Variants in C12orf42 observed in about 807,000 individuals in gnomAD.
C12orf42 encodes chromosome 12 open reading frame 42, also known as uncharacterized protein C12orf42.
Under a neutral mutation model 21.6 loss-of-function variants are expected in C12orf42, and 25 were observed. The ratio of observed to expected loss-of-function variants is 1.16; its 90% confidence interval spans 0.84 to 1.62. The LOEUF (loss-of-function observed/expected upper bound fraction) is 1.62. Among genes scored for constraint, C12orf42 ranks in the 40% most tolerant of loss-of-function variants. C12orf42 has a pLI of 0.00. For synonymous variants in C12orf42, 174 were observed against 175.0 expected, an observed-to-expected ratio of 0.99 and a Z score of 0.05; for missense variants, 483 against 459.3, an observed-to-expected ratio of 1.05 and a Z score of -0.47.
chr12:103,289,672 C>T (rs756787708), intron 4 of C12orf42, among the ~76,000 whole-genome samples: 4 of 151,892 alleles, frequency 2.6e-5, no homozygotes, highest in African/African-American at 9.7e-5. Context: ...TGTAGATCAC[C>T]GTTTGTTGAT....
At chr12:103,059,481 G>T in the C12orf42 span, among the ~76,000 whole-genome samples, 2 of 152,016 alleles carry the variant, frequency 1.3e-5, no homozygotes, top group African/African-American at 4.8e-5. Context: ...ATTTTATGAG[G>T]GTAGTATCAT....
At chr12:103,321,191 C>A (rs200164930) in intron 4 of C12orf42, among the ~76,000 whole-genome samples, 9,744 of 147,536 alleles carry the variant, frequency 0.066, 339 homozygotes, top group East Asian at 0.15. Context: ...AACCCCATCA[C>A]AAAGTGGGCG....
At chr12:103,305,615 G>T (rs879415144) in intron 5 of C12orf42, among the ~76,000 whole-genome samples, 3 of 152,124 alleles carry the variant, frequency 2.0e-5, no homozygotes, top group Non-Finnish European at 2.9e-5. Flanking sequence ...ATAATGGTAT[G>T]ATCTGCCTGA....
chr12:103,409,060 A>G (rs1223315079), intron 2 of C12orf42, among the ~76,000 whole-genome samples: 1 of 152,206 alleles, frequency 6.6e-6, no homozygotes, highest in East Asian at 1.9e-4. Flanking sequence ...CATGGTTACC[A>G]TTTCAGAAGA....
At chr12:103,383,122 C>CTTTT (rs10552452) in intron 3 of C12orf42, among the ~76,000 whole-genome samples, 1 of 148,282 alleles carries the variant, frequency 6.7e-6, no homozygotes, top group Non-Finnish European at 1.5e-5. Flanking sequence ...CTGACTCATT[C>CTTTT]TTTTTTTTTT....
At chr12:103,362,850 T>A (rs576435121) in intron 4 of C12orf42, among the ~76,000 whole-genome samples, 1 of 151,986 alleles carries the variant, frequency 6.6e-6, no homozygotes, top group African/African-American at 2.4e-5. Context: ...TTTGGGATTA[T>A]GTTAAATGAC....
At chr12:103,520,942 G>T in the C12orf42 span, among the ~76,000 whole-genome samples, 1 of 152,318 alleles carries the variant, frequency 6.6e-6, no homozygotes, top group South Asian at 2.1e-4. Context: ...GAAGGAATTA[G>T]TCATTCCCTT....
chr12:103,192,085 C>CAAAAGAACACAAAAAAAAGAACAAA, the C12orf42 span, among the ~76,000 whole-genome samples: 1 of 151,912 alleles, frequency 6.6e-6, no homozygotes, highest in Admixed American at 6.6e-5. Flanking sequence ...AGAACACAAA[C>CAAAAGAACACAAAAAAAAGAACAAA]AGACAAAAAC....
At chr12:103,059,523 A>C in the C12orf42 span, among the ~76,000 whole-genome samples, 2 of 152,190 alleles carry the variant, frequency 1.3e-5, no homozygotes, top group Non-Finnish European at 2.9e-5. Flanking sequence ...GCACACAACG[A>C]AAAAAGAAAA....
chr12:103,459,121 A>G (rs1952513068), intron 2 of C12orf42, among the ~76,000 whole-genome samples: 1 of 152,132 alleles, frequency 6.6e-6, no homozygotes, highest in African/African-American at 2.4e-5. Flanking sequence ...TCCTCAAGCT[A>G]AAGTTGGCCA....
At chr12:103,303,147 A>G (rs963539963) in intron 5 of C12orf42, among the ~76,000 whole-genome samples, 26 of 152,284 alleles carry the variant, frequency 1.7e-4, no homozygotes, top group South Asian at 6.2e-4. Flanking sequence ...ACTAATACTA[A>G]TAAGTTTGAC....
At chr12:103,551,991 G>A in the C12orf42 span, among the ~76,000 whole-genome samples, 13 of 152,020 alleles carry the variant, frequency 8.6e-5, no homozygotes, top group East Asian at 2.5e-3. Context: ...ATTGAGCCTT[G>A]GCTCATTTAT....
At chr12:103,174,459 A>C in the C12orf42 span, among the ~76,000 whole-genome samples, 1 of 152,218 alleles carries the variant, frequency 6.6e-6, no homozygotes, top group Admixed American at 6.5e-5. Flanking sequence ...CATGATGTAG[A>C]TACTAGCATC....
At chr12:103,147,978 G>A in the C12orf42 span, among the ~76,000 whole-genome samples, 110 of 152,128 alleles carry the variant, frequency 7.2e-4, no homozygotes, top group Middle Eastern at 6.8e-3. Context: ...AATAAATGTT[G>A]GTAGCATCCC....
the C12orf42 span, among the ~76,000 whole-genome samples, chr12:103,197,117 C>T: frequency 6.6e-6 from 1 of 152,136 alleles, no homozygotes; most frequent in Non-Finnish European, 1.5e-5. Context: ...CTGGTGGTAA[C>T]AATTTCCCTT....
chr12:103,513,869 A>G, the C12orf42 span, among the ~76,000 whole-genome samples: 10 of 152,330 alleles, frequency 6.6e-5, no homozygotes, highest in East Asian at 1.3e-3. Flanking sequence ...AAAAACAAGT[A>G]TATGCTATGC....
intron 4 of C12orf42, among the ~76,000 whole-genome samples, chr12:103,345,916 G>C (rs1232642112): frequency 6.6e-6 from 1 of 152,098 alleles, no homozygotes; most frequent in Non-Finnish European, 1.5e-5. Flanking sequence ...CTATGTACAT[G>C]GGGCTATAAG....
the C12orf42 span, among the ~76,000 whole-genome samples, chr12:103,126,186 G>A: frequency 6.6e-6 from 1 of 152,100 alleles, no homozygotes; most frequent in African/African-American, 2.4e-5. Context: ...GCCTGTATCT[G>A]CCCCAGGAAA....
At chr12:103,155,901 T>A in the C12orf42 span, among the ~76,000 whole-genome samples, 1 of 151,178 alleles carries the variant, frequency 6.6e-6, no homozygotes, top group Non-Finnish European at 1.5e-5. Flanking sequence ...ATATGCCTCC[T>A]TTGAAACAAG....
Sources: allele counts gnomAD v4.1 joint callset (sites outside exome capture counted in the v4.1 genomes callset), GRCh38; gene constraint gnomAD v4.1.1; transcripts MANE v1.5; gene names NCBI Gene and HGNC (gene_info 2026-07-23, HGNC 2026-07-21).